Variants in PCDHGB1 observed in about 807,000 individuals in gnomAD.
PCDHGB1 encodes protocadherin gamma subfamily B, 1.
A neutral mutation model predicts 56.6 loss-of-function variants in PCDHGB1; 34 were observed. The ratio of observed to expected loss-of-function variants is 0.60; its 90% confidence interval spans 0.46 to 0.80. The LOEUF is 0.80. Ranked by LOEUF, PCDHGB1 falls within the 30% of genes least tolerant of loss-of-function variation. PCDHGB1 has a pLI of 0.00. For missense variants in PCDHGB1, 1,278 were observed against 1,204.6 expected (o/e 1.06, Z -0.90); for synonymous variants, 561 against 505.9 (o/e 1.11, Z -1.46).
intron 1 of PCDHGB1, chr5:141,376,898 A>G (rs1251182955): frequency 5.2e-6 from 1 of 193,904 alleles, no homozygotes; most frequent in East Asian, 1.4e-4. Context: ...CTTGTTAGCC[A>G]GGATGGTCTC....
At chr5:141,358,113 C>G (rs1434059744) in intron 1 of PCDHGB1, among the ~76,000 whole-genome samples, 1 of 152,208 alleles carries the variant, frequency 6.6e-6, no homozygotes, top group Admixed American at 6.5e-5. Flanking sequence ...TTGCTTGAAC[C>G]TGGGAGGCAG....
chr5:141,413,190 G>A (rs965319802), intron 1 of PCDHGB1: 11 of 1,607,556 alleles, frequency 6.8e-6, no homozygotes, highest in East Asian at 2.2e-5. Flanking sequence ...CCGCTCAAAG[G>A]AATCGCTCAA....
chr5:141,478,454 A>T, intron 1 of PCDHGB1: 1 of 1,613,596 alleles, frequency 6.2e-7, no homozygotes. Flanking sequence ...TGGTGCAGCC[A>T]GTCCACTGGC....
chr5:141,361,040 C>A, intron 1 of PCDHGB1: 1 of 1,613,336 alleles, frequency 6.2e-7, no homozygotes. Context: ...GGAGAAATCA[C>A]GACAAAGGAT....
chr5:141,394,444 G>A (rs2093001580), intron 1 of PCDHGB1: 1 of 1,614,228 alleles, frequency 6.2e-7, no homozygotes, highest in Non-Finnish European at 8.5e-7. Context: ...CCCCTCAGCA[G>A]CAACATGTCA....
chr5:141,375,452 T>C (rs772369254), intron 1 of PCDHGB1: 2 of 1,613,876 alleles, frequency 1.2e-6, no homozygotes, highest in Non-Finnish European at 1.7e-6. Context: ...CCATTCATCC[T>C]ACTCAGTCTA....
At chr5:141,384,435 A>G in intron 1 of PCDHGB1, 1 of 1,614,008 alleles carries the variant, frequency 6.2e-7, no homozygotes, top group Non-Finnish European at 8.5e-7. Context: ...CTGACACTGG[A>G]GTCCTGTACG....
intron 1 of PCDHGB1, chr5:141,419,231 C>G (rs1309708358): frequency 2.5e-6 from 4 of 1,614,026 alleles, no homozygotes; most frequent in Admixed American, 1.7e-5. Context: ...GTCAGCCTAC[C>G]TGGTCCACGT....
intron 1 of PCDHGB1, chr5:141,370,795 G>A: frequency 6.2e-7 from 1 of 1,613,996 alleles, no homozygotes; most frequent in Middle Eastern, 1.6e-4. Flanking sequence ...CCGACCTTTA[G>A]CCAAAATATC....
At chr5:141,392,815 T>C (rs1361544072) in intron 1 of PCDHGB1, 8 of 1,586,560 alleles carry the variant, frequency 5.0e-6, no homozygotes, top group East Asian at 2.2e-5. Flanking sequence ...AAAACAACAA[T>C]GGCCGCTCCA....
chr5:141,384,178 G>A, intron 1 of PCDHGB1: 2 of 1,613,788 alleles, frequency 1.2e-6, no homozygotes, highest in Non-Finnish European at 1.7e-6. Flanking sequence ...AGCCACAGAT[G>A]GTGGAACTCC....
At chr5:141,461,409 A>G (rs572412049) in intron 1 of PCDHGB1, among the ~76,000 whole-genome samples, 1 of 151,928 alleles carries the variant, frequency 6.6e-6, no homozygotes, top group East Asian at 1.9e-4. Flanking sequence ...GCATTTTTTC[A>G]TATGTTTGTG....
chr5:141,354,529 C>T (rs578033792), intron 1 of PCDHGB1, among the ~76,000 whole-genome samples: 24 of 152,282 alleles, frequency 1.6e-4, no homozygotes, highest in African/African-American at 5.3e-4. Context: ...AAGCATTGCC[C>T]CAGGTTCTAG....
intron 1 of PCDHGB1, chr5:141,374,905 C>T (rs756655009): frequency 1.2e-6 from 2 of 1,613,616 alleles, no homozygotes; most frequent in Non-Finnish European, 8.5e-7. Flanking sequence ...AAGGAGTCCA[C>T]GGGGAAGTAA....
chr5:141,374,853 TAGGCACACCAGTGTTG>T, intron 1 of PCDHGB1: 1 of 1,613,796 alleles, frequency 6.2e-7, no homozygotes, highest in Non-Finnish European at 8.5e-7. Context: ...AACCTGCCAG[TAGGCACACCAGTGTTG>T]GCAGTGACTG....
chr5:141,432,753 C>G lies in PCDHGB1; in HGVS notation c.2410-62054C>G. ...ACTGTCACGCTCACCGTGGCCGTGGCCGACAGCATCCCCCAAGTCCTGGCG... is the reference window on the plus strand; with the variant it reads ...ACTGTCACGCTCACCGTGGCCGTGGGCGACAGCATCCCCCAAGTCCTGGCG... On this transcript the variant is annotated intron_variant, in intron 1 of 3. Coordinates refer to ENST00000523390, the MANE Select transcript of PCDHGB1 (RefSeq NM_018922.3). The surrounding 1 kb of genome is among the most constrained non-coding windows in gnomAD (Gnocchi z 6.0). 1 of 1,614,138 alleles carries G rather than the reference C, an allele frequency of 6.2e-7. No individual in the cohort carries two copies. The highest frequency in any genetic ancestry group is 8.5e-7 in the Non-Finnish European group (1 of 1,179,996).
chr5:141,477,777 A>G lies in PCDHGB1; in HGVS notation c.2410-17030A>G, dbSNP rs775845004. ...GTCCTAGCCACCAACATCAGCGTGA[A>G]CATATTTGTCACTGATCGCAATGAC... is the stretch of plus-strand genomic sequence containing the variant. On this transcript the variant is annotated intron_variant, in intron 1 of 3. Transcript: ENST00000523390. The surrounding 1 kb of genome is among the most constrained non-coding windows in gnomAD (Gnocchi z 4.9). The G allele has an allele frequency of 1.9e-4, 299 of 1,613,944 alleles. No homozygotes were observed. Among genetic ancestry groups the G allele is most frequent in the Non-Finnish European group, 2.5e-4 (295 of 1,180,048 alleles).
chr5:141,443,288 C>T (rs2098378643), intron 1 of PCDHGB1, among the ~76,000 whole-genome samples: 1 of 150,180 alleles, frequency 6.7e-6, no homozygotes, highest in Non-Finnish European at 1.5e-5. Context: ...TGAGACCAGC[C>T]TGGACAGCAT....
chr5:141,440,990 C>T (rs1195325115), intron 1 of PCDHGB1: 2 of 152,172 alleles, frequency 1.3e-5, no homozygotes, highest in African/African-American at 4.8e-5. Flanking sequence ...CCAGAGTACC[C>T]ATATCTAGTT....
Sources: allele counts gnomAD v4.1 joint callset (sites outside exome capture counted in the v4.1 genomes callset), GRCh38; gene constraint gnomAD v4.1.1; non-coding constraint Gnocchi (gnomAD v3.1); transcripts MANE v1.5; gene names NCBI Gene and HGNC (gene_info 2026-07-23, HGNC 2026-07-21).